SYNCRIP: variants seen among roughly 807,000 people sequenced by gnomAD.
SYNCRIP encodes synaptotagmin binding cytoplasmic RNA interacting protein.
SYNCRIP carries 9 observed loss-of-function variants against 68.9 expected under a neutral mutation model. The observed-to-expected ratio is 0.13, with a 90% confidence interval of 0.08 to 0.23. The LOEUF (loss-of-function observed/expected upper bound fraction) is 0.23, where lower values mean the gene tolerates loss of function less well. Ranked by LOEUF, SYNCRIP falls within the 10% of genes least tolerant of loss-of-function variation. SYNCRIP has a pLI of 1.00. For missense variants in SYNCRIP, 414 were observed against 770.6 expected, an observed-to-expected ratio of 0.54 and a Z score of 5.48; for synonymous variants, 258 against 254.0, an observed-to-expected ratio of 1.02 and a Z score of -0.15.
At chr6:85,628,611 C>G (rs1807339193) in intron 6 of SYNCRIP, among the ~76,000 whole-genome samples, 1 of 152,178 alleles carries the variant, frequency 6.6e-6, no homozygotes, top group Admixed American at 6.5e-5. Flanking sequence ...AAACAGGAGT[C>G]TAGAATAAAC....
At chr6:85,611,435 T>C (rs1805233346), downstream of SYNCRIP, 1 of 152,498 alleles carries the variant, frequency 6.6e-6, no homozygotes, top group Non-Finnish European at 1.5e-5. Flanking sequence ...GGGGAACTGG[T>C]GTGTATAAAA....
intron 6 of SYNCRIP, among the ~76,000 whole-genome samples, chr6:85,625,087 A>G (rs1806885246): frequency 6.6e-6 from 1 of 152,170 alleles, no homozygotes; most frequent in Non-Finnish European, 1.5e-5. Flanking sequence ...GGTATAACAG[A>G]AGAAAACATG....
At chr6:85,631,867 T>C (rs1807837358) in intron 6 of SYNCRIP, among the ~76,000 whole-genome samples, 3 of 152,228 alleles carry the variant, frequency 2.0e-5, no homozygotes, top group African/African-American at 7.2e-5. Context: ...AAAGGGTTGT[T>C]GAGGCTGAAT....
intron 10 of SYNCRIP, 32 bp downstream of exon 10, chr6:85,618,786 A>G (rs1159943203): frequency 1.3e-6 from 2 of 1,523,690 alleles, no homozygotes; most frequent in African/African-American, 2.8e-5. Context: ...ATTAAAATTT[A>G]TACAATTTTT....
At chr6:85,617,132 G>A (rs1391352001) in intron 10 of SYNCRIP, among the ~76,000 whole-genome samples, 1 of 150,476 alleles carries the variant, frequency 6.6e-6, no homozygotes, top group African/African-American at 2.4e-5. Context: ...CAAACTAAGG[G>A]ATAGAGTACC....
At chr6:85,612,956 A>C, downstream of SYNCRIP, 2 of 1,548,180 alleles carry the variant, frequency 1.3e-6, no homozygotes, top group Non-Finnish European at 1.7e-6. Flanking sequence ...CAGTTAGATA[A>C]ATCATCTTAA....
At chr6:85,632,675 C>T (rs1807938096) in intron 6 of SYNCRIP, among the ~76,000 whole-genome samples, 1 of 152,236 alleles carries the variant, frequency 6.6e-6, no homozygotes, top group Non-Finnish European at 1.5e-5. Context: ...GGCGCAGTGG[C>T]TCATGCCTGT....
chr6:85,612,960 A>G (rs1308972761), downstream of SYNCRIP: 5 of 1,547,846 alleles, frequency 3.2e-6, no homozygotes, highest in Non-Finnish European at 4.4e-6. Flanking sequence ...TAGATAAATC[A>G]TCTTAAATTA....
chr6:85,620,722 G>A (rs1806289751), intron 8 of SYNCRIP, among the ~76,000 whole-genome samples: 1 of 152,184 alleles, frequency 6.6e-6, no homozygotes, highest in African/African-American at 2.4e-5. Flanking sequence ...TAGTGAGGAA[G>A]GCTGTGCCTG....
In SYNCRIP at chr6:85,619,036, C is replaced by A; in HGVS notation, c.1159-97G>T. ...TCATTTATCATTAATGTGGGAAGGACAAGAGAAAGCCCCATGCAGGCAGTC... is the reference window on the plus strand; with the variant it reads ...TCATTTATCATTAATGTGGGAAGGAAAAGAGAAAGCCCCATGCAGGCAGTC... On this transcript the variant is annotated intron_variant, in intron 9 of 10. Coordinates refer to ENST00000369622, the MANE Select transcript of SYNCRIP (RefSeq NM_006372.5). 2.3e-6 allele frequency: 3 copies of A among 1,310,294 alleles called. No homozygotes were observed. The South Asian group carries it at 3.9e-5, about 17-fold the overall frequency. 81.2% of individuals were successfully genotyped at this position (1,310,294 alleles called of 1,614,324 possible).
At position 85,640,097 on chromosome 6, in the gene SYNCRIP, T is replaced by C. The variant is rs75903504; in HGVS notation, c.375+124A>G. 2,054 of 695,840 alleles carry C rather than the reference T, an allele frequency of 3.0e-3. 38 individuals are homozygous for C. In the African/African-American group the frequency reaches 0.033, roughly 11 times the overall value. 43.1% of individuals were successfully genotyped at this position (695,840 alleles called of 1,614,324 possible). The stretch of plus-strand genomic sequence containing the variant: ...TTTAAAAAAACTTAAAAAAAGGAAT[T>C]AGGAAAGATTGATGAATTATCTCAA... On this transcript the variant is annotated intron_variant, in intron 4 of 10. Transcript: ENST00000369622.
At chr6:85,636,554 A>C (rs537305374) in intron 6 of SYNCRIP, among the ~76,000 whole-genome samples, 1 of 152,280 alleles carries the variant, frequency 6.6e-6, no homozygotes, top group African/African-American at 2.4e-5. Context: ...CTCACCATAA[A>C]ATCTTTTGTT....
intron 7 of SYNCRIP, among the ~76,000 whole-genome samples, chr6:85,623,181 T>G (rs1311371580): frequency 6.6e-6 from 1 of 152,212 alleles, no homozygotes; most frequent in East Asian, 1.9e-4. Context: ...TAGACACTGT[T>G]GGCAGACCAA....
chr6:85,623,026 C>T (rs1806596951), intron 7 of SYNCRIP, among the ~76,000 whole-genome samples: 1 of 152,028 alleles, frequency 6.6e-6, no homozygotes, highest in African/African-American at 2.4e-5. Context: ...GGCTATTTTT[C>T]TTATTATGCA....
At chr6:85,615,451 A>G in intron 10 of SYNCRIP, 104 bp from the exon 11 acceptor site, 1 of 685,150 alleles carries the variant, frequency 1.5e-6, no homozygotes, top group African/African-American at 1.8e-5. Context: ...TACTTCGCAT[A>G]ATTCACATAA....
intron 6 of SYNCRIP, among the ~76,000 whole-genome samples, chr6:85,628,194 C>T (rs1394432464): frequency 6.6e-6 from 1 of 151,996 alleles, no homozygotes; most frequent in Non-Finnish European, 1.5e-5. Context: ...TAGCTGGGAC[C>T]ACAGGCGTGT....
At chr6:85,638,745 A>T (rs1808779135) in intron 4 of SYNCRIP, among the ~76,000 whole-genome samples, 1 of 152,164 alleles carries the variant, frequency 6.6e-6, no homozygotes, top group South Asian at 2.1e-4. Context: ...TCATCTTTCC[A>T]TTTTCTCACA....
intron 8 of SYNCRIP, among the ~76,000 whole-genome samples, chr6:85,620,406 G>A (rs1456704691): frequency 6.6e-6 from 1 of 152,196 alleles, no homozygotes; most frequent in Non-Finnish European, 1.5e-5. Context: ...GTATTACTAA[G>A]AGAAAGAAGC....
chr6:85,627,660 G>A (rs1406204808), intron 6 of SYNCRIP, among the ~76,000 whole-genome samples: 1 of 152,054 alleles, frequency 6.6e-6, no homozygotes, highest in Non-Finnish European at 1.5e-5. Flanking sequence ...AGTGTATCAG[G>A]ACACTACAGT....
Sources: allele counts gnomAD v4.1 joint callset (sites outside exome capture counted in the v4.1 genomes callset), GRCh38; gene constraint gnomAD v4.1.1; transcripts MANE v1.5; gene names NCBI Gene and HGNC (gene_info 2026-07-23, HGNC 2026-07-21).